ZRANB1: variants seen among roughly 807,000 people sequenced by gnomAD.
The protein encoded by ZRANB1 is ubiquitin thioesterase ZRANB1.
ZRANB1 carries 16 observed loss-of-function variants against 80.5 expected under a neutral mutation model. The observed-to-expected ratio is 0.20, with a 90% CI of 0.13 to 0.30. ZRANB1 has a LOEUF of 0.30. Ranked by LOEUF, ZRANB1 falls within the 10% of genes least tolerant of loss-of-function variation. The pLI, the probability that ZRANB1 is intolerant of heterozygous loss-of-function variation, is 1.00. For synonymous variants in ZRANB1, 291 were observed against 293.1 expected, an observed-to-expected ratio of 0.99 and a Z score of 0.07; for missense variants, 576 against 862.6, an observed-to-expected ratio of 0.67 and a Z score of 4.16.
At chr10:124,922,290 ATATATG>A in the ZRANB1 span, among the ~76,000 whole-genome samples, 1 of 112,938 alleles carries the variant, frequency 8.9e-6, no homozygotes, top group African/African-American at 2.9e-5. Context: ...AAATATATAT[ATATATG>A]TAAAATATAT....
At position 124,954,140 on chromosome 10, in the gene ZRANB1, G is replaced by GTTTTTTTT. The variant is rs55962412; in HGVS notation, c.814+10852_814+10859dup. 3.8e-4 allele frequency among the ~76,000 whole-genome samples: 20 copies of GTTTTTTTT among 52,536 alleles called. 4 individuals carry two copies. The highest frequency in any genetic ancestry group is 1.3e-3 in the African/African-American group (16 of 11,942). 34.5% of individuals were successfully genotyped at this position (52,536 alleles called of 152,430 possible). On this transcript the variant is annotated intron_variant, in intron 1 of 8. Transcript: ENST00000359653. Reference sequence around the variant, plus strand: ...GCACCACCATCCCCAGCTAATTCCTGTTTTTTTTTTTTTTTTTTTTTTTTT... The same window carrying GTTTTTTTT: ...GCACCACCATCCCCAGCTAATTCCTGTTTTTTTTTTTTTTTTTTTTTTTTTTTTTTTTT...
At chr10:124,969,995 G>C (rs1951808720) in intron 2 of ZRANB1, among the ~76,000 whole-genome samples, 1 of 152,170 alleles carries the variant, frequency 6.6e-6, no homozygotes, top group Admixed American at 6.5e-5. Context: ...TTTTTGGAAA[G>C]GTCTTTCCAG....
intron 1 of ZRANB1, among the ~76,000 whole-genome samples, chr10:124,960,352 A>G (rs1951722873): frequency 6.6e-6 from 1 of 152,226 alleles, no homozygotes; most frequent in Non-Finnish European, 1.5e-5. Context: ...GTCTAGAAGA[A>G]TTAAATGTAT....
chr10:124,985,660 T>TGAA lies in ZRANB1; in HGVS notation c.*668_*669insGAA, dbSNP rs1353446987. ...GGTTTTGGTTTTGGTTATTGTGTCT[T>TGAA]TAAGTTTTCTGATATGCCCCCTTTC... On this transcript the variant is annotated 3_prime_UTR_variant, in exon 9 of 9. Coordinates refer to ENST00000359653, the MANE Select transcript of ZRANB1 (RefSeq NM_017580.3). 6.6e-6 allele frequency: 1 copy of TGAA among 152,090 alleles called. No individual in the cohort carries two copies. The highest frequency in any genetic ancestry group is 2.4e-5 in the African/African-American group (1 of 41,326). 9.4% of individuals were successfully genotyped at this position (152,090 alleles called of 1,614,324 possible).
chr10:124,917,218 C>T, the ZRANB1 span: 1 of 171,634 alleles, frequency 5.8e-6, no homozygotes, highest in Non-Finnish European at 1.2e-5. Context: ...CGCCGCCAAG[C>T]GCCCGTCGGA....
At chr10:124,948,720 CTTGT>C (rs1951605545) in intron 1 of ZRANB1, among the ~76,000 whole-genome samples, 2 of 152,076 alleles carry the variant, frequency 1.3e-5, no homozygotes, top group South Asian at 4.2e-4. Context: ...GCTTCATCAT[CTTGT>C]TTATTATTTG....
rs878953340 is a variant in ZRANB1, at chr10:124,942,833, A to G, written c.340A>G (p.Arg114Gly). ...CCAGTGCTTATCCCAACGTAGGACC[A>G]GGAGTCCTACAGAATCTCCTCAGTC... is the stretch of plus-strand genomic sequence containing the variant. The part of the protein sequence containing the change: ...CTQCLSQRRT[R>G]SPTESPQSSG... Residue 114 changes from arginine (R) to glycine (G), a missense_variant, in exon 1 of 9, where the codon AGG becomes GGG. Transcript: ENST00000359653. 6.2e-7 allele frequency: 1 copy of G among 1,614,200 alleles called. No individual in the cohort carries two copies. The highest frequency in any genetic ancestry group is 1.1e-5 in the South Asian group (1 of 91,088).
chr10:124,982,372 C>G (rs1951943168), intron 6 of ZRANB1, among the ~76,000 whole-genome samples: 1 of 152,144 alleles, frequency 6.6e-6, no homozygotes, highest in Non-Finnish European at 1.5e-5. Context: ...GGTAGTTTAG[C>G]TTACTCTGAA....
intron 1 of ZRANB1, among the ~76,000 whole-genome samples, chr10:124,946,955 A>T (rs949228901): frequency 8.5e-5 from 13 of 152,206 alleles, no homozygotes; most frequent in African/African-American, 3.1e-4. Context: ...ATATACACTG[A>T]GTATAAAATG....
At chr10:124,954,764 A>G (rs748503398) in intron 1 of ZRANB1, among the ~76,000 whole-genome samples, 3 of 150,916 alleles carry the variant, frequency 2.0e-5, no homozygotes, top group Non-Finnish European at 3.0e-5. Flanking sequence ...TACTTAATAC[A>G]TTGTTTTACA....
chr10:124,963,813 T>C (rs570555128), intron 1 of ZRANB1, among the ~76,000 whole-genome samples: 3 of 152,230 alleles, frequency 2.0e-5, no homozygotes, highest in Non-Finnish European at 4.4e-5. Context: ...ATTTGATTTG[T>C]AATTTACTAA....
chr10:124,972,376 T>C (rs912958348), intron 3 of ZRANB1, among the ~76,000 whole-genome samples: 1 of 152,232 alleles, frequency 6.6e-6, no homozygotes, highest in African/African-American at 2.4e-5. Flanking sequence ...TTTTTAAAAA[T>C]CTGTTGTACT....
intron 5 of ZRANB1, chr10:124,981,471 A>G (rs1951933144): frequency 6.0e-6 from 2 of 331,876 alleles, no homozygotes; most frequent in Non-Finnish European, 1.1e-5. Flanking sequence ...AAGTTTGAAA[A>G]TTTGGTTGTC....
chr10:124,969,673 A>G (rs928779188), intron 2 of ZRANB1, among the ~76,000 whole-genome samples: 1 of 152,248 alleles, frequency 6.6e-6, no homozygotes, highest in Non-Finnish European at 1.5e-5. Flanking sequence ...AATAGCTACC[A>G]AAATACTAAA....
the ZRANB1 span, among the ~76,000 whole-genome samples, chr10:124,922,339 T>A: frequency 5.8e-3 from 251 of 43,086 alleles, 2 homozygotes; most frequent in African/African-American, 0.014. Context: ...TATATATATT[T>A]TTTTTTTAAT....
the ZRANB1 span, among the ~76,000 whole-genome samples, chr10:124,934,618 A>G: frequency 6.6e-6 from 1 of 152,236 alleles, no homozygotes; most frequent in African/African-American, 2.4e-5. Flanking sequence ...ACTGAGGCTC[A>G]GAAATAGGAA....
intron 5 of ZRANB1, among the ~76,000 whole-genome samples, chr10:124,976,645 C>T (rs908007117): frequency 1.5e-4 from 21 of 139,072 alleles, no homozygotes; most frequent in African/African-American, 5.2e-4. Context: ...GATCTCGGCT[C>T]ACTGCAACCT....
intron 1 of ZRANB1, among the ~76,000 whole-genome samples, chr10:124,950,333 A>G (rs1047761901): frequency 6.6e-6 from 1 of 152,086 alleles, no homozygotes; most frequent in African/African-American, 2.4e-5. Context: ...CTTGTTGCCC[A>G]GGCTGGTCTC....
chr10:124,928,863 A>G, the ZRANB1 span, among the ~76,000 whole-genome samples: 4 of 152,370 alleles, frequency 2.6e-5, no homozygotes, highest in East Asian at 3.8e-4. Context: ...TGATATCTCA[A>G]TGACAAGAAT....
Sources: gnomAD v4.1 joint callset for allele counts (sites outside exome capture counted in the v4.1 genomes callset) on GRCh38, gnomAD v4.1.1 for gene constraint, MANE v1.5 for transcripts, NCBI Gene and HGNC (gene_info 2026-07-23, HGNC 2026-07-21) for gene names.